DBX2: variants seen among roughly 807,000 people sequenced by gnomAD.
DBX2 encodes developing brain homeobox 2, also known as homeobox protein DBX2.
Under a neutral mutation model 17.7 loss-of-function variants are expected in DBX2, and 16 were observed. The observed-to-expected ratio is 0.90, with a 90% confidence interval of 0.61 to 1.37. The LOEUF is 1.37. Among genes scored for constraint, DBX2 ranks in the 40% most tolerant of loss-of-function variants. The probability of loss-of-function intolerance (pLI) is 0.00; values close to 1 mark genes in which losing one functional copy is unlikely to be tolerated. For missense variants in DBX2, 538 were observed against 433.8 expected, an observed-to-expected ratio of 1.24 and a Z score of -2.13; for synonymous variants, 255 against 183.8, an observed-to-expected ratio of 1.39 and a Z score of -3.13.
intron 1 of DBX2, among the ~76,000 whole-genome samples, chr12:45,048,202 C>T (rs1946510091): frequency 1.3e-5 from 2 of 152,098 alleles, no homozygotes; most frequent in South Asian, 4.1e-4. Context: ...TATATTTCAC[C>T]AATGAACTTA....
At chr12:45,027,151 G>A (rs1304113787) in intron 2 of DBX2, among the ~76,000 whole-genome samples, 1 of 152,166 alleles carries the variant, frequency 6.6e-6, no homozygotes, top group Admixed American at 6.5e-5. Context: ...TCTTCCAGCT[G>A]ATTTTATAAG....
intron 1 of DBX2, among the ~76,000 whole-genome samples, chr12:45,037,748 A>T (rs1365833911): frequency 1.3e-5 from 2 of 152,152 alleles, no homozygotes; most frequent in African/African-American, 4.8e-5. Context: ...ATAGTTTCCA[A>T]TAAGAATTTT....
At chr12:45,048,910 A>T (rs934321428) in intron 1 of DBX2, among the ~76,000 whole-genome samples, 3 of 152,214 alleles carry the variant, frequency 2.0e-5, no homozygotes, top group African/African-American at 7.2e-5. Context: ...TAATTATTCC[A>T]AAAACAATGT....
In DBX2 at chr12:45,050,589, G is replaced by A. The variant is rs1946525681; in HGVS notation, c.339C>T (p.Asp113=). The A allele has an allele frequency of 1.9e-6, 3 of 1,551,852 alleles. No homozygotes were observed. The highest frequency in any genetic ancestry group is 2.6e-6 in the Non-Finnish European group (3 of 1,148,148). The change falls in exon 1 of 4, where the codon GAC becomes GAT. Residue 113 remains aspartate, a synonymous_variant. Transcript: ENST00000332700. ...WAFQVLSPSA[D]SARLPGRAPG... ...GAGCCCGGCCCGGCAGCCTCGCACTGTCCGCAGAGGGACTGAGCACTTGAA... is the reference window on the plus strand; with the variant it reads ...GAGCCCGGCCCGGCAGCCTCGCACTATCCGCAGAGGGACTGAGCACTTGAA...
At chr12:45,021,223 C>T (rs1946350206) in intron 3 of DBX2, among the ~76,000 whole-genome samples, 1 of 152,054 alleles carries the variant, frequency 6.6e-6, no homozygotes, top group Non-Finnish European at 1.5e-5. Context: ...TTCTGAGATG[C>T]TCTACCAAAT....
intron 2 of DBX2, among the ~76,000 whole-genome samples, chr12:45,029,158 C>T (rs564589507): frequency 6.6e-6 from 1 of 151,960 alleles, no homozygotes; most frequent in Non-Finnish European, 1.5e-5. Flanking sequence ...TCCAGGTAAA[C>T]AAAAATAAAT....
Position 45,050,680 on chromosome 12 carries a change from A to T in DBX2, c.248T>A (p.Leu83Gln). 1 of 1,545,076 alleles carries T rather than the reference A, an allele frequency of 6.5e-7. No homozygotes were observed. The highest frequency in any genetic ancestry group is 2.5e-5 in the East Asian group (1 of 40,298). The change falls in exon 1 of 4, where the codon CTA (leucine) becomes CAA (glutamine). Residue 83 changes from leucine to glutamine, a missense_variant. Coordinates refer to ENST00000332700, the MANE Select transcript of DBX2 (RefSeq NM_001004329.3). The stretch of plus-strand genomic sequence containing the variant: ...TTGTTCGGCTGCGGGGCACAGCTTT[A>T]GGGGAACTGGGCTAGCAGGCAGGGG... ...LRPLPASPVP[L>Q]KLCPAAEQVS...
intron 2 of DBX2, among the ~76,000 whole-genome samples, chr12:45,024,541 G>A (rs577273987): frequency 1.3e-5 from 2 of 152,210 alleles, no homozygotes; most frequent in Non-Finnish European, 2.9e-5. Context: ...TACGGATTAA[G>A]TAGTAGGTGG....
At chr12:45,017,595 CTG>C (rs1946330488) in intron 3 of DBX2, among the ~76,000 whole-genome samples, 1 of 152,188 alleles carries the variant, frequency 6.6e-6, no homozygotes, top group Admixed American at 6.5e-5. Context: ...ATTTATCAAA[CTG>C]TAAGAATTAA....
chr12:45,016,616 C>T lies in DBX2; in HGVS notation c.690G>A (p.Val230=), dbSNP rs1946325241. 6.6e-7 allele frequency: 1 copy of T among 1,518,268 alleles called. No homozygotes were observed. The highest frequency in any genetic ancestry group is 8.8e-7 in the Non-Finnish European group (1 of 1,136,578). The allele number at this position is 1,518,268 out of a possible 1,614,324, so 94.0% of individuals were successfully genotyped here. A position where few individuals can be genotyped will look rare whatever the true frequency, so the allele number is the denominator to read the frequency against. ...AINLGLKESQ[V]KIWFQNRRMK... ...TCCTCCTGTTCTGAAACCAAATTTT[C>T]ACCTATTGACAAAATAATTGCACAA... is the stretch of plus-strand genomic sequence containing the variant. Residue 230 remains valine (V), a splice_region_variant and synonymous_variant, in exon 4 of 4, where the codon GTG becomes GTA. Transcript: ENST00000332700.
chr12:45,040,616 A>T (rs1269330676), intron 1 of DBX2, among the ~76,000 whole-genome samples: 1 of 152,158 alleles, frequency 6.6e-6, no homozygotes. Context: ...GATATCTTTT[A>T]TCTTGCATGT....
chr12:45,030,110 G>A (rs1946401780), intron 2 of DBX2, among the ~76,000 whole-genome samples: 1 of 151,956 alleles, frequency 6.6e-6, no homozygotes, highest in Admixed American at 6.6e-5. Flanking sequence ...GGGGAGGTTG[G>A]GGGAGACAGA....
At chr12:45,043,888 CT>C (rs1261074565) in intron 1 of DBX2, among the ~76,000 whole-genome samples, 1 of 151,938 alleles carries the variant, frequency 6.6e-6, no homozygotes, top group Non-Finnish European at 1.5e-5. Context: ...AAGTCAAATG[CT>C]GACTCTACCA....
intron 1 of DBX2, among the ~76,000 whole-genome samples, chr12:45,040,174 T>C (rs1457454055): frequency 2.6e-5 from 4 of 152,084 alleles, no homozygotes; most frequent in African/African-American, 9.7e-5. Context: ...AGATAGAATA[T>C]AAAGCAGGCA....
At chr12:45,024,922 A>G (rs1281165959) in intron 2 of DBX2, among the ~76,000 whole-genome samples, 1 of 152,192 alleles carries the variant, frequency 6.6e-6, no homozygotes, top group Non-Finnish European at 1.5e-5. Context: ...GAGGTAAGAG[A>G]CATTTGCTAC....
chr12:45,034,606 G>A (rs1260863374), intron 2 of DBX2, among the ~76,000 whole-genome samples: 1 of 152,192 alleles, frequency 6.6e-6, no homozygotes, highest in East Asian at 1.9e-4. Flanking sequence ...CCCCACAGTT[G>A]ATAATGGGCC....
At chr12:45,038,936 C>G (rs1476953492) in intron 1 of DBX2, among the ~76,000 whole-genome samples, 1 of 151,996 alleles carries the variant, frequency 6.6e-6, no homozygotes, top group Admixed American at 6.5e-5. Context: ...TCATAATCTA[C>G]AGTAACAATT....
intron 1 of DBX2, among the ~76,000 whole-genome samples, chr12:45,042,722 G>A (rs149786564): frequency 3.7e-4 from 56 of 152,274 alleles, no homozygotes; most frequent in African/African-American, 1.2e-3. Flanking sequence ...GGGATGCAGC[G>A]GAATAAAGAA....
At position 45,023,731 on chromosome 12, in the gene DBX2, G is replaced by A. The variant is rs1208930532; in HGVS notation, c.663C>T (p.Ile221=). Residue 221 remains isoleucine, a synonymous_variant, in exon 3 of 4, where the codon ATC becomes ATT. Coordinates refer to ENST00000332700, the MANE Select transcript of DBX2 (RefSeq NM_001004329.3). ...CCTGTGATTCCTTTAGTCCCAAGTT[G>A]ATGGCAAGTTTCTTTCGGTCTGTTT... The part of the protein sequence containing the change: ...ISKTDRKKLA[I]NLGLKESQVK... 6.2e-7 allele frequency: 1 copy of A among 1,614,114 alleles called. No individual in the cohort carries two copies. The highest frequency in any genetic ancestry group is 2.2e-5 in the East Asian group (1 of 44,856).
Sources: allele counts gnomAD v4.1 joint callset (sites outside exome capture counted in the v4.1 genomes callset), GRCh38; gene constraint gnomAD v4.1.1; transcripts MANE v1.5; gene names NCBI Gene and HGNC (gene_info 2026-07-23, HGNC 2026-07-21).